The following DMRT3 variants were observed in gnomAD, a reference collection of about 807,000 sequenced individuals.
The protein encoded by DMRT3 is doublesex- and mab-3-related transcription factor 3.
DMRT3 carries 29 observed loss-of-function variants against 34.9 expected under a neutral mutation model. The ratio of observed to expected loss-of-function variants is 0.83; its 90% confidence interval spans 0.62 to 1.13. DMRT3 has a LOEUF of 1.13. Among genes scored for constraint, DMRT3 ranks in the 50% most tolerant of loss-of-function variants. The pLI is 0.00. For missense variants in DMRT3, 772 were observed against 629.1 expected (o/e 1.23, Z -2.43); for synonymous variants, 350 against 286.0 (o/e 1.22, Z -2.26).
chr9:991,092 G>C lies in DMRT3; in HGVS notation c.*87G>C, dbSNP rs1379872544. On this transcript the variant is annotated 3_prime_UTR_variant, in exon 2 of 2. Coordinates refer to ENST00000190165, the MANE Select transcript of DMRT3 (RefSeq NM_021240.4). ...TGAGGAGAGGCCACATCTTGTGTAT[G>C]CCCTTTCCTTCTGTTTGACAAAGTG... The C allele has an allele frequency of 1.3e-6, 2 of 1,483,710 alleles. No homozygotes were observed. The highest frequency in any genetic ancestry group is 1.8e-6 in the Non-Finnish European group (2 of 1,105,906). 91.9% of individuals were successfully genotyped at this position (1,483,710 alleles called of 1,614,324 possible). A position where few individuals can be genotyped will look rare whatever the true frequency, so the allele number is the denominator to read the frequency against.
chr9:989,229 C>T (rs960263194), intron 1 of DMRT3, among the ~76,000 whole-genome samples: 8 of 152,244 alleles, frequency 5.3e-5, no homozygotes, highest in African/African-American at 9.6e-5. Flanking sequence ...TCGTGCCACC[C>T]GTGGCGGTGG....
intron 1 of DMRT3, among the ~76,000 whole-genome samples, chr9:987,412 CTGTG>C (rs6150885): frequency 0.031 from 4,615 of 149,546 alleles, 112 homozygotes; most frequent in African/African-American, 0.057. Flanking sequence ...TAATATCCCA[CTGTG>C]TGTGTGTGTG....
At chr9:977,536 C>A in intron 1 of DMRT3, 81 bp downstream of exon 1, 2 of 1,172,720 alleles carry the variant, frequency 1.7e-6, no homozygotes, top group Non-Finnish European at 2.1e-6. Context: ...CTTGGGAGGA[C>A]TGGAGGCAAA....
intron 1 of DMRT3, among the ~76,000 whole-genome samples, chr9:983,961 C>G (rs1021366150): frequency 1.3e-5 from 2 of 151,666 alleles, no homozygotes; most frequent in African/African-American, 4.8e-5. Context: ...GCAATCCACC[C>G]CAGGAAGAAA....
chr9:987,553 A>C (rs1033060182), intron 1 of DMRT3, among the ~76,000 whole-genome samples: 2 of 151,946 alleles, frequency 1.3e-5, no homozygotes, highest in Non-Finnish European at 2.9e-5. Context: ...TTGGTATACA[A>C]TGTGTGTCAT....
Position 976,713 on chromosome 9 carries a change from A to T in DMRT3, c.-289A>T, listed in dbSNP as rs1820150808. ...GTCGCCGGCTCCTTGCAGCCGCCGC[A>T]GCGCCTCCGCGAAGGAGGACGTGCC... is the stretch of plus-strand genomic sequence containing the variant. On this transcript the variant is annotated 5_prime_UTR_variant, in exon 1 of 2. Coordinates refer to ENST00000190165, the MANE Select transcript of DMRT3 (RefSeq NM_021240.4). This position sits in a 1 kb window ranked among gnomAD's most constrained non-coding sequence, Gnocchi z 4.5. Among the ~76,000 whole-genome samples, 1 of 151,984 alleles carries T rather than the reference A, an allele frequency of 6.6e-6. No homozygotes were observed. Among genetic ancestry groups the T allele is most frequent in the African/African-American group, 2.4e-5 (1 of 41,386 alleles).
Position 991,060 on chromosome 9 carries a change from A to C in DMRT3, c.*55A>C. 1.3e-6 allele frequency: 2 copies of C among 1,554,370 alleles called. No homozygotes were observed. The highest frequency in any genetic ancestry group is 1.7e-6 in the Non-Finnish European group (2 of 1,148,676). ...ACATTTTCTGTGCGTTTTGACCCTGAGGCATCTGAGGAGAGGCCACATCTT... is the reference window on the plus strand; with the variant it reads ...ACATTTTCTGTGCGTTTTGACCCTGCGGCATCTGAGGAGAGGCCACATCTT... On this transcript the variant is annotated 3_prime_UTR_variant, in exon 2 of 2. Coordinates refer to ENST00000190165, the MANE Select transcript of DMRT3 (RefSeq NM_021240.4).
Position 977,420 on chromosome 9 carries a change from A to G in DMRT3, c.419A>G (p.Gln140Arg), listed in dbSNP as rs535809646. 1 of 1,269,804 alleles carries G rather than the reference A, an allele frequency of 7.9e-7. No homozygotes were observed. The highest frequency in any genetic ancestry group is 9.9e-7 in the Non-Finnish European group (1 of 1,009,850). 78.7% of individuals were successfully genotyped at this position (1,269,804 alleles called of 1,614,324 possible). ...GCGCTGCGTTGGACTGCCGAGCCGC[A>G]GCCCGGGGCTCTGCAGGCGCAGCTC... The part of the protein sequence containing the change: ...AAALRWTAEP[Q>R]PGALQAQLAK... Residue 140 changes from glutamine (Q) to arginine (R), a missense_variant, in exon 1 of 2, where the codon CAG becomes CGG. Gln to Arg is a conservative substitution (Grantham distance 43). Transcript: ENST00000190165.
rs982906865 is a variant in DMRT3, at chr9:977,000, G to T, written c.-2G>T. ...CTGCCAACTCATTCGGGAGCCCGGG[G>T]CATGAACGGCTACGGCTCCCCCTAC... On this transcript the variant is annotated 5_prime_UTR_variant, in exon 1 of 2. Transcript: ENST00000190165. This position sits in a 1 kb window ranked among gnomAD's most constrained non-coding sequence, Gnocchi z 4.5. 3 of 1,494,474 alleles carry T rather than the reference G, an allele frequency of 2.0e-6. No homozygotes were observed. Among genetic ancestry groups the T allele is most frequent in the Non-Finnish European group, 2.7e-6 (3 of 1,121,258 alleles). 92.6% of individuals were successfully genotyped at this position (1,494,474 alleles called of 1,614,324 possible). A position where few individuals can be genotyped will look rare whatever the true frequency, so the allele number is the denominator to read the frequency against.
rs991479881 is a variant in DMRT3 at position 976,878 on chromosome 9, G to A, written c.-124G>A. 1.8e-5 allele frequency: 19 copies of A among 1,067,790 alleles called. No individual in the cohort carries two copies. The highest frequency in any genetic ancestry group is 6.6e-4 in the Middle Eastern group (2 of 3,012). 66.1% of individuals were successfully genotyped at this position (1,067,790 alleles called of 1,614,324 possible). ...GCCCCGGAGCACACACGACCACCGG[G>A]GCTGCGGGACCAAGGGCCGCGTCGC... On this transcript the variant is annotated 5_prime_UTR_variant, in exon 1 of 2. Transcript: ENST00000190165. The surrounding 1 kb of genome is among the most constrained non-coding windows in gnomAD (Gnocchi z 4.5).
rs33987544 is a variant in DMRT3, at chr9:983,908, GT to G, written c.455-6117del. On this transcript the variant is annotated intron_variant, in intron 1 of 1. Transcript: ENST00000190165. Reference sequence around the variant, plus strand: ...TTTTTTAAAAAGTAAAGCATGGCTAGTTTTTTTTTTTTTTTTAACTTTTCAC... The same window carrying G: ...TTTTTTAAAAAGTAAAGCATGGCTAGTTTTTTTTTTTTTTTAACTTTTCAC... 3.1e-3 allele frequency among the ~76,000 whole-genome samples: 442 copies of G among 141,274 alleles called. 1 individual carries two copies. Among genetic ancestry groups the G allele is most frequent in the African/African-American group, 4.3e-3 (169 of 38,958 alleles). 92.7% of individuals were successfully genotyped at this position (141,274 alleles called of 152,430 possible). A position where few individuals can be genotyped will look rare whatever the true frequency, so the allele number is the denominator to read the frequency against.
intron 1 of DMRT3, among the ~76,000 whole-genome samples, chr9:982,734 G>A (rs1168330846): frequency 6.6e-6 from 1 of 152,224 alleles, no homozygotes; most frequent in African/African-American, 2.4e-5. Context: ...TGGAAATGTT[G>A]CACTTCTTCC....
chr9:986,318 A>G (rs1820281693), intron 1 of DMRT3, among the ~76,000 whole-genome samples: 1 of 151,366 alleles, frequency 6.6e-6, no homozygotes, highest in South Asian at 2.1e-4. Context: ...GGGACAGTAT[A>G]TCTGTTGCTA....
At chr9:986,078 A>G (rs183364031) in intron 1 of DMRT3, among the ~76,000 whole-genome samples, 318 of 152,330 alleles carry the variant, frequency 2.1e-3, no homozygotes, top group Admixed American at 3.9e-3. Flanking sequence ...CTCCTTGACA[A>G]GTAACCAGAA....
Position 990,606 on chromosome 9 carries a change from G to C in DMRT3, c.1020G>C (p.Leu340Phe). 6.2e-7 allele frequency: 1 copy of C among 1,614,090 alleles called. No individual in the cohort carries two copies. The highest frequency in any genetic ancestry group is 8.5e-7 in the Non-Finnish European group (1 of 1,180,034). ...VGSAFRVPDT[L>F]RFSADSSNVV... The stretch of plus-strand genomic sequence containing the variant: ...CAGCCTTTCGAGTCCCAGACACGTT[G>C]AGGTTTTCTGCCGACTCTAGCAACG... Residue 340 changes from leucine (L) to phenylalanine (F), a missense_variant, in exon 2 of 2, where the codon TTG becomes TTC. Physicochemically the swap from Leu to Phe is conservative, Grantham distance 22. Coordinates refer to ENST00000190165, the MANE Select transcript of DMRT3 (RefSeq NM_021240.4).
In DMRT3 at chr9:988,779, C is replaced by T. The variant is rs534833494; in HGVS notation, c.455-1262C>T. On this transcript the variant is annotated intron_variant, in intron 1 of 1. Coordinates refer to ENST00000190165, the MANE Select transcript of DMRT3 (RefSeq NM_021240.4). ...ACAGGCAAAGCAATTGTTTACAACT[C>T]AACAACTGGGTCATTAGGAATTTTC... 1.4e-3 allele frequency among the ~76,000 whole-genome samples: 219 copies of T among 152,252 alleles called. 4 individuals carry two copies. In the South Asian group the frequency reaches 0.045, roughly 31 times the overall value.
At chr9:989,627 CTTA>C (rs1486421758) in intron 1 of DMRT3, among the ~76,000 whole-genome samples, 5 of 152,156 alleles carry the variant, frequency 3.3e-5, no homozygotes, top group African/African-American at 1.2e-4. Flanking sequence ...AGCTGGGGAC[CTTA>C]TTTGCAGAAG....
chr9:983,933 A>C (rs1820251858), intron 1 of DMRT3, among the ~76,000 whole-genome samples: 1 of 147,192 alleles, frequency 6.8e-6, no homozygotes. Flanking sequence ...TTAACTTTTC[A>C]CAACCCTCCC....
chr9:984,840 T>A (rs1027673776), intron 1 of DMRT3, among the ~76,000 whole-genome samples: 36 of 148,554 alleles, frequency 2.4e-4, no homozygotes, highest in African/African-American at 8.0e-4. Flanking sequence ...AAATAATACA[T>A]TTTTTTTTTA....
Sources: gnomAD v4.1 joint callset for allele counts (sites outside exome capture counted in the v4.1 genomes callset) on GRCh38, gnomAD v4.1.1 for gene constraint, Gnocchi (gnomAD v3.1) non-coding constraint, MANE v1.5 for transcripts, NCBI Gene and HGNC (gene_info 2026-07-23, HGNC 2026-07-21) for gene names.